PRKG1: variants seen among roughly 807,000 people sequenced by gnomAD.
PRKG1 encodes the protein protein kinase cGMP-dependent 1, also known as cGMP-dependent protein kinase 1.
Under a neutral mutation model 88.1 loss-of-function variants are expected in PRKG1, and 35 were observed. The observed-to-expected ratio is 0.40, with a 90% confidence interval of 0.30 to 0.53. The LOEUF (loss-of-function observed/expected upper bound fraction) is 0.53, where lower values mean the gene tolerates loss of function less well. Among genes scored for constraint, PRKG1 ranks in the 20% least tolerant of loss-of-function variants. PRKG1 has a pLI of 0.59. For missense variants in PRKG1, 540 were observed against 839.8 expected (o/e 0.64, Z 4.41); for synonymous variants, 303 against 292.5 (o/e 1.04, Z -0.37).
At position 52,108,967 on chromosome 10, in the gene PRKG1, A is replaced by G. The variant is rs185642081; in HGVS notation, c.936-24873A>G. Reference sequence around the variant, plus strand: ...CTCAGCCTCCTGAGTAGCTGGGACTATAGGGGAGAGCCACCATACCCAGCT... The same window carrying G: ...CTCAGCCTCCTGAGTAGCTGGGACTGTAGGGGAGAGCCACCATACCCAGCT... On this transcript the variant is annotated intron_variant, in intron 7 of 17. Coordinates refer to ENST00000373980, the MANE Select transcript of PRKG1 (RefSeq NM_006258.4). Among the ~76,000 whole-genome samples, 393 of 151,808 alleles carry G rather than the reference A, an allele frequency of 2.6e-3. 4 individuals carry two copies. The highest frequency in any genetic ancestry group is 9.2e-3 in the African/African-American group (379 of 41,402).
intron 7 of PRKG1, among the ~76,000 whole-genome samples, chr10:52,074,343 A>G (rs1264673500): frequency 6.6e-6 from 1 of 152,156 alleles, no homozygotes; most frequent in African/African-American, 2.4e-5. Flanking sequence ...GATTGGAGAA[A>G]CATCAGGGTG....
intron 3 of PRKG1, among the ~76,000 whole-genome samples, chr10:51,691,693 T>C (rs993471712): frequency 6.6e-6 from 1 of 152,182 alleles, no homozygotes; most frequent in African/African-American, 2.4e-5. Flanking sequence ...GTTTTTATAC[T>C]GAGTAAAAGC....
At chr10:52,084,539 T>A (rs902019804) in intron 7 of PRKG1, among the ~76,000 whole-genome samples, 9 of 152,046 alleles carry the variant, frequency 5.9e-5, no homozygotes. Context: ...ATTTGTTTCA[T>A]CTTCTCTTTC....
intron 2 of PRKG1, among the ~76,000 whole-genome samples, chr10:51,163,865 G>T (rs976607188): frequency 6.6e-6 from 1 of 152,218 alleles, no homozygotes; most frequent in African/African-American, 2.4e-5. Context: ...CATTGCCCAG[G>T]CTCGCTTAGG....
intron 8 of PRKG1, among the ~76,000 whole-genome samples, chr10:52,161,624 T>A (rs1343743296): frequency 6.6e-6 from 1 of 152,116 alleles, no homozygotes; most frequent in East Asian, 1.9e-4. Flanking sequence ...TATTTGAACA[T>A]CTGCTTTTGC....
chr10:51,227,052 A>G (rs1838711851), intron 2 of PRKG1, among the ~76,000 whole-genome samples: 2 of 151,976 alleles, frequency 1.3e-5, no homozygotes, highest in South Asian at 4.1e-4. Flanking sequence ...TCCATTATTT[A>G]GAGGAAATCT....
intron 9 of PRKG1, among the ~76,000 whole-genome samples, chr10:52,218,537 T>C (rs1001029904): frequency 6.6e-6 from 1 of 152,148 alleles, no homozygotes; most frequent in African/African-American, 2.4e-5. Flanking sequence ...ACTGTATGAA[T>C]AGTCGCAATA....
At chr10:51,637,736 TG>T (rs1168096647) in intron 3 of PRKG1, among the ~76,000 whole-genome samples, 2 of 151,728 alleles carry the variant, frequency 1.3e-5, no homozygotes, top group Non-Finnish European at 2.9e-5. Flanking sequence ...CATAGACACA[TG>T]GGGGGAAACT....
intron 4 of PRKG1, among the ~76,000 whole-genome samples, chr10:51,828,926 C>A (rs932388017): frequency 6.6e-6 from 1 of 152,174 alleles, no homozygotes; most frequent in African/African-American, 2.4e-5. Context: ...TACACCAAAA[C>A]GTACTGGTTT....
intron 3 of PRKG1, among the ~76,000 whole-genome samples, chr10:51,543,143 T>A (rs1842353858): frequency 6.6e-6 from 1 of 152,206 alleles, no homozygotes; most frequent in South Asian, 2.1e-4. Context: ...GTTTTGAACT[T>A]GGCCCTGTCC....
intron 2 of PRKG1, among the ~76,000 whole-genome samples, chr10:51,196,860 C>A (rs899209566): frequency 1.3e-5 from 2 of 152,140 alleles, no homozygotes; most frequent in Non-Finnish European, 2.9e-5. Context: ...TTTGTTTTAT[C>A]CTCAAATTGT....
At chr10:51,428,283 C>A (rs1227946637) in intron 2 of PRKG1, among the ~76,000 whole-genome samples, 1 of 152,190 alleles carries the variant, frequency 6.6e-6, no homozygotes, top group Admixed American at 6.5e-5. Context: ...CTAATCCTGG[C>A]AATCTCAAAA....
intron 1 of PRKG1, among the ~76,000 whole-genome samples, chr10:51,007,320 G>A (rs539020491): frequency 1.3e-5 from 2 of 152,292 alleles, no homozygotes; most frequent in African/African-American, 4.8e-5. Context: ...CCATTAAATA[G>A]CAAGGGATTA....
intron 3 of PRKG1, among the ~76,000 whole-genome samples, chr10:51,750,335 T>C (rs187129484): frequency 6.6e-6 from 1 of 152,170 alleles, no homozygotes; most frequent in Non-Finnish European, 1.5e-5. Flanking sequence ...ATTTGAGTAT[T>C]TTTTGCATGT....
At chr10:52,066,594 C>T (rs1846360873) in intron 7 of PRKG1, among the ~76,000 whole-genome samples, 1 of 152,094 alleles carries the variant, frequency 6.6e-6, no homozygotes, top group African/African-American at 2.4e-5. Flanking sequence ...CCATGGGGGG[C>T]AGGCTAGCGA....
intron 1 of PRKG1, among the ~76,000 whole-genome samples, chr10:51,088,054 T>C (rs571193319): frequency 1.3e-5 from 2 of 152,340 alleles, no homozygotes; most frequent in South Asian, 4.1e-4. Flanking sequence ...GGTGAGCCAC[T>C]GTATCCAACC....
At chr10:51,804,558 G>C (rs1254983313) in intron 3 of PRKG1, 27 bp from the exon 4 acceptor site, 14 of 1,482,492 alleles carry the variant, frequency 9.4e-6, no homozygotes, top group Admixed American at 1.7e-5. Context: ...ATTTTTCCCT[G>C]TTTGTTTCTC....
At chr10:51,046,522 C>T (rs1448619166) in intron 1 of PRKG1, among the ~76,000 whole-genome samples, 2 of 152,174 alleles carry the variant, frequency 1.3e-5, no homozygotes, top group Admixed American at 6.5e-5. Context: ...ATAAATCTTT[C>T]CTGGGAAAGA....
At chr10:51,697,705 C>T (rs201224812) in intron 3 of PRKG1, 39 of 1,614,002 alleles carry the variant, frequency 2.4e-5, no homozygotes, top group South Asian at 7.7e-5. Flanking sequence ...CCTTTCAAGA[C>T]GCTCCAGTGG....
Sources: gnomAD v4.1 joint callset for allele counts (sites outside exome capture counted in the v4.1 genomes callset) on GRCh38, gnomAD v4.1.1 for gene constraint, MANE v1.5 for transcripts, NCBI Gene and HGNC (gene_info 2026-07-23, HGNC 2026-07-21) for gene names.